CNIH3: variants seen among roughly 807,000 people sequenced by gnomAD.
CNIH3 encodes protein cornichon homolog 3.
Under a neutral mutation model 24.1 loss-of-function variants are expected in CNIH3, and 14 were observed. The ratio of observed to expected loss-of-function variants is 0.58; its 90% CI spans 0.38 to 0.91. The LOEUF is 0.91. Ranked by LOEUF, CNIH3 falls within the 40% of genes least tolerant of loss-of-function variation. The probability of loss-of-function intolerance (pLI) is 0.00; values close to 1 mark genes in which losing one functional copy is unlikely to be tolerated. For missense variants in CNIH3, 178 were observed against 196.8 expected (o/e 0.90, Z 0.57); for synonymous variants, 68 against 73.8 (o/e 0.92, Z 0.40).
chr1:224,570,955 A>C (rs1330472539), intron 4 of CNIH3, among the ~76,000 whole-genome samples: 2 of 151,956 alleles, frequency 1.3e-5, no homozygotes, highest in Non-Finnish European at 2.9e-5. Flanking sequence ...CAGCACCGTG[A>C]ATTTCCACAC....
intron 1 of CNIH3, among the ~76,000 whole-genome samples, chr1:224,644,544 T>A (rs1414072560): frequency 6.6e-6 from 1 of 152,174 alleles, no homozygotes; most frequent in Non-Finnish European, 1.5e-5. Flanking sequence ...ATTTGTTGAA[T>A]TAAACAAATT....
chr1:224,493,215 A>T (rs1177736696), intron 1 of CNIH3, among the ~76,000 whole-genome samples: 1 of 152,172 alleles, frequency 6.6e-6, no homozygotes, highest in African/African-American at 2.4e-5. Flanking sequence ...TTGTATATAA[A>T]CTTGATATGG....
At chr1:224,606,823 T>C (rs1682446877) in intron 3 of CNIH3, among the ~76,000 whole-genome samples, 1 of 152,144 alleles carries the variant, frequency 6.6e-6, no homozygotes, top group Non-Finnish European at 1.5e-5. Flanking sequence ...GGAACCAGTG[T>C]GGACCCAGGA....
chr1:224,537,981 C>T (rs1679356118), downstream of CNIH3, among the ~76,000 whole-genome samples: 1 of 151,634 alleles, frequency 6.6e-6, no homozygotes, highest in Non-Finnish European at 1.5e-5. Flanking sequence ...GACAGAGTCT[C>T]ACTCTGTCAC....
chr1:224,644,925 A>T (rs713098), intron 1 of CNIH3, among the ~76,000 whole-genome samples: 78,528 of 152,016 alleles, frequency 0.52, 20,989 homozygotes, highest in East Asian at 0.75. Context: ...CTGTACTGCT[A>T]ACAGACCCCA....
At chr1:224,568,105 C>T (rs1052585302) in intron 4 of CNIH3, among the ~76,000 whole-genome samples, 3 of 152,094 alleles carry the variant, frequency 2.0e-5, no homozygotes, top group Admixed American at 6.5e-5. Context: ...TCCTGGCCAA[C>T]ATGGTAAAAC....
chr1:224,603,966 C>T (rs949746573), intron 3 of CNIH3, among the ~76,000 whole-genome samples: 10 of 152,228 alleles, frequency 6.6e-5, no homozygotes, highest in East Asian at 3.9e-4. Flanking sequence ...AATATTGAAA[C>T]GCTGCCTTTG....
At chr1:224,687,833 G>C (rs1363232156) in intron 3 of CNIH3, among the ~76,000 whole-genome samples, 1 of 152,208 alleles carries the variant, frequency 6.6e-6, no homozygotes, top group East Asian at 1.9e-4. Context: ...TCCTCGAGAA[G>C]TTTTGGGCTG....
intron 3 of CNIH3, among the ~76,000 whole-genome samples, chr1:224,602,264 G>A (rs1027902221): frequency 4.0e-5 from 6 of 150,890 alleles, no homozygotes; most frequent in East Asian, 3.9e-4. Flanking sequence ...TGCTTGCATG[G>A]ATATTATTTT....
intron 1 of CNIH3, among the ~76,000 whole-genome samples, chr1:224,651,305 G>A (rs193158729): frequency 5.8e-4 from 89 of 152,330 alleles, no homozygotes; most frequent in African/African-American, 1.9e-3. Context: ...AAACTACGTA[G>A]TGGTCACCTC....
At chr1:224,560,432 T>C (rs1379353391) in intron 3 of CNIH3, among the ~76,000 whole-genome samples, 1 of 152,164 alleles carries the variant, frequency 6.6e-6, no homozygotes, top group African/African-American at 2.4e-5. Context: ...TACCACTCTG[T>C]GGCCTGTTAG....
chr1:224,613,800 T>C (rs1209977174), upstream of CNIH3, among the ~76,000 whole-genome samples: 2 of 152,152 alleles, frequency 1.3e-5, no homozygotes, highest in Non-Finnish European at 2.9e-5. Context: ...GCCGAGCAAA[T>C]GCTGGTGCCG....
intron 3 of CNIH3, among the ~76,000 whole-genome samples, chr1:224,721,428 C>G (rs888318323): frequency 2.0e-5 from 3 of 152,124 alleles, no homozygotes; most frequent in Non-Finnish European, 4.4e-5. Flanking sequence ...GAGTGGGAAG[C>G]TACAAGTGTT....
chr1:224,653,056 C>T (rs1215209232), intron 1 of CNIH3, among the ~76,000 whole-genome samples: 2 of 152,220 alleles, frequency 1.3e-5, no homozygotes, highest in East Asian at 1.9e-4. Context: ...GGTTTGACAA[C>T]TAAAATAAAT....
chr1:224,558,591 A>G (rs1423634084), intron 3 of CNIH3, among the ~76,000 whole-genome samples: 1 of 152,236 alleles, frequency 6.6e-6, no homozygotes, highest in East Asian at 1.9e-4. Context: ...AAACAATGCA[A>G]TAAAATTCTC....
At chr1:224,627,752 T>C (rs771855292) in intron 1 of CNIH3, among the ~76,000 whole-genome samples, 13 of 152,128 alleles carry the variant, frequency 8.5e-5, no homozygotes, top group Admixed American at 6.5e-5. Flanking sequence ...AGTCTGATAA[T>C]GAGGCTCAGG....
At chr1:224,657,358 G>A (rs1239535116) in intron 1 of CNIH3, among the ~76,000 whole-genome samples, 1 of 151,936 alleles carries the variant, frequency 6.6e-6, no homozygotes, top group Non-Finnish European at 1.5e-5. Flanking sequence ...CATATATTAA[G>A]CCATAAAGTA....
At chr1:224,463,987 C>T (rs1388696504) in intron 1 of CNIH3, among the ~76,000 whole-genome samples, 1 of 150,040 alleles carries the variant, frequency 6.7e-6, no homozygotes. Flanking sequence ...GACGGGGTTT[C>T]ACCATATTGG....
intron 4 of CNIH3, among the ~76,000 whole-genome samples, chr1:224,568,857 C>T (rs1177487343): frequency 6.6e-6 from 1 of 152,054 alleles, no homozygotes; most frequent in Non-Finnish European, 1.5e-5. Context: ...TAGCTATTCT[C>T]CTGAAGTTTA....
Sources: allele counts gnomAD v4.1 joint callset (sites outside exome capture counted in the v4.1 genomes callset), GRCh38; gene constraint gnomAD v4.1.1; transcripts MANE v1.5; gene names NCBI Gene and HGNC (gene_info 2026-07-23, HGNC 2026-07-21).